PDSS2: variants seen among roughly 807,000 people sequenced by gnomAD.
PDSS2 encodes the protein all trans-polyprenyl-diphosphate synthase PDSS2.
Under a neutral mutation model 44.5 loss-of-function variants are expected in PDSS2, and 31 were observed. That is an observed-to-expected ratio of 0.70 (90% CI 0.52 to 0.94). The LOEUF (loss-of-function observed/expected upper bound fraction) is 0.94. Ranked by LOEUF, PDSS2 falls within the 40% of genes least tolerant of loss-of-function variation. The pLI, the probability that PDSS2 is intolerant of heterozygous loss-of-function variation, is 0.00. For missense variants in PDSS2, 452 were observed against 482.2 expected, an observed-to-expected ratio of 0.94 and a Z score of 0.59; for synonymous variants, 157 against 180.3, an observed-to-expected ratio of 0.87 and a Z score of 1.03.
chr6:107,169,791 C>A (rs1371382453), intron 7 of PDSS2, among the ~76,000 whole-genome samples: 1 of 152,178 alleles, frequency 6.6e-6, no homozygotes, highest in Admixed American at 6.5e-5. Flanking sequence ...TGCAGAACAG[C>A]GAATATTGGT....
At chr6:107,173,648 C>T (rs1771688392) in intron 7 of PDSS2, among the ~76,000 whole-genome samples, 1 of 143,156 alleles carries the variant, frequency 7.0e-6, no homozygotes, top group South Asian at 2.3e-4. Context: ...GAACTTAATG[C>T]TTGGTTTCTT....
intron 1 of PDSS2, among the ~76,000 whole-genome samples, chr6:107,436,687 A>G (rs375185583): frequency 2.6e-5 from 4 of 152,324 alleles, no homozygotes; most frequent in East Asian, 3.9e-4. Context: ...ATAGTTAACA[A>G]TAATGTATTA....
At chr6:107,162,610 A>ATTTTTTTTTTTTTTTTTTTTTTTTT (rs71012782) in intron 7 of PDSS2, among the ~76,000 whole-genome samples, 1 of 115,552 alleles carries the variant, frequency 8.7e-6, no homozygotes, top group Non-Finnish European at 1.7e-5. Context: ...GAATTCCCTA[A>ATTTTTTTTTTTTTTTTTTTTTTTTT]TTTTTTTTTT....
intron 1 of PDSS2, among the ~76,000 whole-genome samples, chr6:107,392,474 C>CA (rs1002558414): frequency 4.6e-5 from 7 of 151,620 alleles, no homozygotes; most frequent in Admixed American, 4.6e-4. Flanking sequence ...TTAAAATTCT[C>CA]AAAAAAAAGT....
At chr6:107,314,667 G>A (rs543630826) in intron 2 of PDSS2, among the ~76,000 whole-genome samples, 10 of 152,304 alleles carry the variant, frequency 6.6e-5, no homozygotes, top group Non-Finnish European at 1.2e-4. Context: ...TCCTTCATTT[G>A]CGTCTCATTT....
chr6:107,206,661 T>C (rs1772987845), intron 6 of PDSS2, among the ~76,000 whole-genome samples: 1 of 151,952 alleles, frequency 6.6e-6, no homozygotes, highest in Admixed American at 6.6e-5. Context: ...ACACTAATGG[T>C]AGCTGATGAG....
intron 2 of PDSS2, among the ~76,000 whole-genome samples, chr6:107,306,514 G>T (rs528548546): frequency 6.6e-6 from 1 of 152,274 alleles, no homozygotes; most frequent in South Asian, 2.1e-4. Flanking sequence ...GTCTTTATCA[G>T]CAGCATGAAA....
intron 1 of PDSS2, among the ~76,000 whole-genome samples, chr6:107,408,235 G>C (rs761126353): frequency 6.6e-6 from 1 of 151,978 alleles, no homozygotes; most frequent in Non-Finnish European, 1.5e-5. Flanking sequence ...TCACCATGTT[G>C]GCTAGGCTGG....
At chr6:107,346,865 A>G (rs969154510) in intron 1 of PDSS2, among the ~76,000 whole-genome samples, 18 of 152,208 alleles carry the variant, frequency 1.2e-4, no homozygotes, top group African/African-American at 4.3e-4. Flanking sequence ...TCTCTTGCTT[A>G]TAGGTCTGGT....
intron 1 of PDSS2, among the ~76,000 whole-genome samples, chr6:107,373,495 C>T (rs1425337844): frequency 6.6e-6 from 1 of 152,172 alleles, no homozygotes; most frequent in Non-Finnish European, 1.5e-5. Flanking sequence ...AGGACTTGTT[C>T]TGAATCTAGA....
chr6:107,361,476 G>T (rs564779896), intron 1 of PDSS2, among the ~76,000 whole-genome samples: 1 of 152,230 alleles, frequency 6.6e-6, no homozygotes, highest in Non-Finnish European at 1.5e-5. Flanking sequence ...GTGTTTCAAG[G>T]AAAACTTCAG....
intron 4 of PDSS2, among the ~76,000 whole-genome samples, chr6:107,227,494 G>C (rs1439530852): frequency 6.6e-6 from 1 of 151,626 alleles, no homozygotes; most frequent in Non-Finnish European, 1.5e-5. Context: ...CACCATGTTG[G>C]CCAGGCTGGT....
chr6:107,175,291 A>G (rs1225508949), intron 7 of PDSS2, among the ~76,000 whole-genome samples: 1 of 152,030 alleles, frequency 6.6e-6, no homozygotes, highest in Non-Finnish European at 1.5e-5. Flanking sequence ...CCCTCACAAC[A>G]GCCCTACGAG....
At chr6:107,352,314 A>G (rs1401761845) in intron 1 of PDSS2, among the ~76,000 whole-genome samples, 1 of 152,246 alleles carries the variant, frequency 6.6e-6, no homozygotes, top group Non-Finnish European at 1.5e-5. Context: ...TAGGAAAAAC[A>G]GAATAAGCTG....
intron 4 of PDSS2, among the ~76,000 whole-genome samples, chr6:107,215,583 G>A (rs1773383803): frequency 6.6e-6 from 1 of 152,126 alleles, no homozygotes; most frequent in Admixed American, 6.6e-5. Flanking sequence ...AAAGGTAGAT[G>A]TAAACAAATT....
At chr6:107,345,391 T>C (rs1778210839) in intron 1 of PDSS2, among the ~76,000 whole-genome samples, 1 of 150,306 alleles carries the variant, frequency 6.7e-6, no homozygotes, top group South Asian at 2.2e-4. Flanking sequence ...CAATATTTAG[T>C]GTATGGAGTA....
rs538373338 is a variant in PDSS2 at position 107,207,806 on chromosome 6, C to T, written c.1008+2633G>A. Among the ~76,000 whole-genome samples, 10 of 151,326 alleles carry T rather than the reference C, an allele frequency of 6.6e-5. No homozygotes were observed. In the South Asian group the frequency reaches 2.1e-3, roughly 32 times the overall value. Reference sequence around the variant, plus strand: ...TGTATTTTTAATAGAGATGGGGTTTCGCCATGTTGGCCAGGCTGGTCTCAA... The same window carrying T: ...TGTATTTTTAATAGAGATGGGGTTTTGCCATGTTGGCCAGGCTGGTCTCAA... On this transcript the variant is annotated intron_variant, in intron 6 of 7. Coordinates refer to ENST00000369037, the MANE Select transcript of PDSS2 (RefSeq NM_020381.4).
chr6:107,272,520 A>T (rs1435999447), intron 3 of PDSS2, among the ~76,000 whole-genome samples: 2 of 152,194 alleles, frequency 1.3e-5, no homozygotes, highest in Admixed American at 1.3e-4. Context: ...TTGCAGACTC[A>T]CTATACCAAC....
chr6:107,187,056 G>A (rs993868087), intron 7 of PDSS2, among the ~76,000 whole-genome samples: 3 of 152,138 alleles, frequency 2.0e-5, no homozygotes, highest in African/African-American at 7.2e-5. Context: ...AAGCAGGGAG[G>A]AGTAGACTTT....
Sources: gnomAD v4.1 joint callset for allele counts (sites outside exome capture counted in the v4.1 genomes callset) on GRCh38, gnomAD v4.1.1 for gene constraint, MANE v1.5 for transcripts, NCBI Gene and HGNC (gene_info 2026-07-23, HGNC 2026-07-21) for gene names.